PSD3: variants seen among roughly 807,000 people sequenced by gnomAD.
The protein encoded by PSD3 is pleckstrin and Sec7 domain containing 3.
A neutral mutation model predicts 105.5 loss-of-function variants in PSD3; 49 were observed. The ratio of observed to expected loss-of-function variants is 0.46; its 90% confidence interval spans 0.37 to 0.59. PSD3 has a LOEUF of 0.59. PSD3 is among the 20% of genes least tolerant of loss of function. The pLI, the probability that PSD3 is intolerant of heterozygous loss-of-function variation, is 0.00. For missense variants in PSD3, 1,561 were observed against 1,263.8 expected (o/e 1.24, Z -3.57); for synonymous variants, 557 against 457.8 (o/e 1.22, Z -2.77).
At chr8:18,618,067 C>G (rs1805826310) in intron 11 of PSD3, among the ~76,000 whole-genome samples, 1 of 152,136 alleles carries the variant, frequency 6.6e-6, no homozygotes. Context: ...GAGACTTCAT[C>G]TATATAACAA....
intron 9 of PSD3, among the ~76,000 whole-genome samples, chr8:18,762,643 G>A (rs183368055): frequency 2.7e-4 from 41 of 152,090 alleles, no homozygotes; most frequent in Non-Finnish European, 2.9e-5. Flanking sequence ...GTCAAATATC[G>A]GTTTAGGTTA....
At chr8:18,651,046 CA>C (rs938288444) in intron 10 of PSD3, among the ~76,000 whole-genome samples, 3 of 152,130 alleles carry the variant, frequency 2.0e-5, no homozygotes, top group Non-Finnish European at 4.4e-5. Context: ...AAGTACCTTT[CA>C]AAAAATTTTT....
chr8:18,579,248 T>C (rs562092227), intron 12 of PSD3, among the ~76,000 whole-genome samples: 4 of 152,250 alleles, frequency 2.6e-5, no homozygotes, highest in Non-Finnish European at 4.4e-5. Flanking sequence ...AAGGAGAGGA[T>C]AGTGTTTAAA....
intron 12 of PSD3, among the ~76,000 whole-genome samples, chr8:18,586,992 G>A (rs1803238247): frequency 6.6e-6 from 1 of 152,190 alleles, no homozygotes; most frequent in Non-Finnish European, 1.5e-5. Flanking sequence ...TGTTACACAG[G>A]AGGCCAAATG....
At chr8:19,027,311 T>C (rs1827592083) in intron 1 of PSD3, among the ~76,000 whole-genome samples, 1 of 152,224 alleles carries the variant, frequency 6.6e-6, no homozygotes, top group African/African-American at 2.4e-5. Flanking sequence ...AGGGCTGAAT[T>C]CTGACAGAGT....
At chr8:18,966,400 A>G (rs1824246892) in intron 1 of PSD3, among the ~76,000 whole-genome samples, 1 of 151,880 alleles carries the variant, frequency 6.6e-6, no homozygotes, top group African/African-American at 2.4e-5. Context: ...CGAAATCCCC[A>G]TCTCTACTAA....
chr8:18,840,203 G>T (rs1233296746), intron 4 of PSD3, among the ~76,000 whole-genome samples: 2 of 152,112 alleles, frequency 1.3e-5, no homozygotes, highest in Non-Finnish European at 2.9e-5. Flanking sequence ...ACCTGCAAAT[G>T]TCCCCCCCAC....
chr8:19,071,221 G>A (rs1051863446), intron 1 of PSD3, among the ~76,000 whole-genome samples: 5 of 151,932 alleles, frequency 3.3e-5, no homozygotes, highest in South Asian at 2.1e-4. Context: ...CACCATGCCC[G>A]GTTAATTTTT....
At chr8:18,862,982 G>A (rs1002570221) in intron 4 of PSD3, among the ~76,000 whole-genome samples, 3 of 151,936 alleles carry the variant, frequency 2.0e-5, no homozygotes, top group Admixed American at 6.5e-5. Context: ...TCAGCTGCAC[G>A]CAGATGTAAT....
intron 1 of PSD3, among the ~76,000 whole-genome samples, chr8:18,959,663 A>C (rs1024369021): frequency 6.6e-6 from 1 of 152,092 alleles, no homozygotes; most frequent in African/African-American, 2.4e-5. Flanking sequence ...CATTACTTTT[A>C]TTACTGATAA....
intron 12 of PSD3, among the ~76,000 whole-genome samples, chr8:18,589,735 A>G (rs755819678): frequency 6.6e-6 from 1 of 152,316 alleles, no homozygotes; most frequent in South Asian, 2.1e-4. Flanking sequence ...GAAATGAGCC[A>G]AGGAGATGGG....
At chr8:18,802,224 T>C (rs942051820) in intron 6 of PSD3, 64 of 242,958 alleles carry the variant, frequency 2.6e-4, no homozygotes, top group Admixed American at 8.8e-4. Flanking sequence ...TTAGTTTATG[T>C]ATAAAAATAT....
At chr8:18,800,443 C>A (rs2632850) in intron 7 of PSD3, among the ~76,000 whole-genome samples, 1 of 152,124 alleles carries the variant, frequency 6.6e-6, no homozygotes, top group Non-Finnish European at 1.5e-5. Context: ...TCCAGGTTAA[C>A]TGGCAATACT....
At chr8:18,849,864 A>G (rs1295724549) in intron 4 of PSD3, among the ~76,000 whole-genome samples, 2 of 152,204 alleles carry the variant, frequency 1.3e-5, no homozygotes, top group Non-Finnish European at 2.9e-5. Context: ...CCAATCGATG[A>G]GTTCCCCAAG....
intron 1 of PSD3, among the ~76,000 whole-genome samples, chr8:18,937,812 A>T (rs1197814411): frequency 2.0e-5 from 3 of 152,168 alleles, no homozygotes; most frequent in Non-Finnish European, 4.4e-5. Context: ...AAGGTGCCCT[A>T]ATTTGGGCAG....
At chr8:18,986,946 C>A (rs117042507) in intron 1 of PSD3, among the ~76,000 whole-genome samples, 1 of 152,088 alleles carries the variant, frequency 6.6e-6, no homozygotes, top group African/African-American at 2.4e-5. Flanking sequence ...ATTAATGGAA[C>A]GCTAAGCTTG....
At chr8:18,632,518 A>AT in intron 11 of PSD3, 95 bp downstream of exon 11, 1 of 1,372,730 alleles carries the variant, frequency 7.3e-7, no homozygotes, top group Non-Finnish European at 1.0e-6. Context: ...GATAAACATA[A>AT]TTTTTTCATC....
At chr8:19,084,453 C>T (rs1392802860) in exon 1 of PSD3, 11 of 455,232 alleles carry the variant, frequency 2.4e-5, no homozygotes, top group Middle Eastern at 3.2e-4. Flanking sequence ...GGGGTCCATG[C>T]CCCACAGATC....
intron 1 of PSD3, among the ~76,000 whole-genome samples, chr8:19,003,295 C>T (rs1162849586): frequency 6.6e-6 from 1 of 151,770 alleles, no homozygotes. Context: ...TGTTTGAGGC[C>T]AGGAGTTGAA....
Sources: allele counts gnomAD v4.1 joint callset (sites outside exome capture counted in the v4.1 genomes callset), GRCh38; gene constraint gnomAD v4.1.1; transcripts MANE v1.5; gene names NCBI Gene and HGNC (gene_info 2026-07-23, HGNC 2026-07-21).